The following DHRS12 variants were observed in gnomAD, a reference collection of about 807,000 sequenced individuals.
DHRS12 encodes dehydrogenase/reductase SDR family member 12.
A neutral mutation model predicts 32.1 loss-of-function variants in DHRS12; 29 were observed. The observed-to-expected ratio is 0.90, with a 90% CI of 0.67 to 1.23. The LOEUF (loss-of-function observed/expected upper bound fraction) is 1.23. Among genes scored for constraint, DHRS12 ranks in the 50% most tolerant of loss-of-function variants. DHRS12 has a pLI of 0.00. For synonymous variants in DHRS12, 150 were observed against 135.9 expected (o/e 1.10, Z -0.72); for missense variants, 330 against 337.2 (o/e 0.98, Z 0.17).
At chr13:51,778,056 G>A (rs1954527436) in intron 4 of DHRS12, among the ~76,000 whole-genome samples, 1 of 152,224 alleles carries the variant, frequency 6.6e-6, no homozygotes, top group Non-Finnish European at 1.5e-5. Flanking sequence ...CCGCCATGTG[G>A]CCTGCATCCA....
intron 7 of DHRS12, among the ~76,000 whole-genome samples, chr13:51,770,478 G>C (rs920664260): frequency 6.6e-6 from 1 of 152,158 alleles, no homozygotes; most frequent in Admixed American, 6.5e-5. Context: ...GAGGCTGGGG[G>C]CCCCCCATGG....
At chr13:51,766,666 T>G (rs1295109788), downstream of DHRS12, 1 of 152,272 alleles carries the variant, frequency 6.6e-6, no homozygotes, top group Admixed American at 6.5e-5. Flanking sequence ...ATATTGTGAA[T>G]GTTTTTACTC....
At chr13:51,763,853 A>G (rs1953664933), downstream of DHRS12, 1 of 152,166 alleles carries the variant, frequency 6.6e-6, no homozygotes, top group South Asian at 2.1e-4. Context: ...TTAAGGCCCA[A>G]ATTTTTGTTT....
intron 7 of DHRS12, 39 bp downstream of exon 7, chr13:51,771,782 G>A: frequency 6.2e-7 from 1 of 1,607,212 alleles, no homozygotes; most frequent in South Asian, 1.1e-5. Flanking sequence ...ATTTTTAGAT[G>A]AAACGTAAGT....
intron 2 of DHRS12, among the ~76,000 whole-genome samples, chr13:51,793,227 A>G (rs538652621): frequency 2.0e-5 from 3 of 152,298 alleles, no homozygotes; most frequent in East Asian, 3.9e-4. Context: ...ACCTAAGTCC[A>G]AACTTGCATT....
chr13:51,804,038 C>T lies in DHRS12; in HGVS notation c.-9+16G>A, dbSNP rs1955883123. 6 of 1,468,880 alleles carry T rather than the reference C, an allele frequency of 4.1e-6. No homozygotes were observed. Among genetic ancestry groups the T allele is most frequent in the Admixed American group, 4.9e-5 (2 of 41,104 alleles). 91.0% of individuals were successfully genotyped at this position (1,468,880 alleles called of 1,614,324 possible). A position where few individuals can be genotyped will look rare whatever the true frequency, so the allele number is the denominator to read the frequency against. On this transcript the variant is annotated intron_variant, in intron 1 of 8. Coordinates refer to ENST00000444610, the MANE Select transcript of DHRS12 (RefSeq NM_001377533.1). ...CGTGACAGCCCGGGGCCCCGCGCCC[C>T]GCCGCGCCGCCTTACTTGGTGTACT...
At chr13:51,796,795 A>AGGAAGATT (rs1204756484) in intron 2 of DHRS12, among the ~76,000 whole-genome samples, 1 of 152,200 alleles carries the variant, frequency 6.6e-6, no homozygotes, top group Admixed American at 6.5e-5. Context: ...CAGACATTAG[A>AGGAAGATT]GGAAGATTTA....
chr13:51,798,882 C>T (rs1412543489), intron 2 of DHRS12, among the ~76,000 whole-genome samples: 5 of 152,220 alleles, frequency 3.3e-5, no homozygotes, highest in East Asian at 3.9e-4. Context: ...GACCCAGGAT[C>T]GTTGAGCTCA....
intron 4 of DHRS12, 164 bp from the exon 5 acceptor site, chr13:51,777,285 G>A (rs1357327682): frequency 3.0e-6 from 2 of 668,024 alleles, no homozygotes; most frequent in African/African-American, 3.6e-5. Context: ...CAAGCCAAAT[G>A]TTCCTTTTCC....
intron 6 of DHRS12, among the ~76,000 whole-genome samples, chr13:51,772,217 T>C (rs984422471): frequency 1.3e-5 from 2 of 152,102 alleles, no homozygotes; most frequent in Admixed American, 6.5e-5. Context: ...GTGTTCCTCG[T>C]CCACAAGTCG....
intron 2 of DHRS12, among the ~76,000 whole-genome samples, chr13:51,794,864 G>A (rs1955442197): frequency 6.6e-6 from 1 of 151,954 alleles, no homozygotes; most frequent in Non-Finnish European, 1.5e-5. Context: ...ACTAAGGTGG[G>A]GCTGAACTGC....
chr13:51,768,535 G>A (rs1292187559), intron 8 of DHRS12: 1 of 1,382,258 alleles, frequency 7.2e-7, no homozygotes, highest in African/African-American at 1.5e-5. Context: ...CCACGTTTGG[G>A]TGATCAGCAG....
At chr13:51,797,968 T>C in intron 2 of DHRS12, 4 of 1,486,966 alleles carry the variant, frequency 2.7e-6, no homozygotes, top group Non-Finnish European at 3.6e-6. Context: ...AACCAGCTCT[T>C]CCTAATGAAA....
chr13:51,790,749 G>T (rs900838867), intron 3 of DHRS12, among the ~76,000 whole-genome samples: 1 of 152,118 alleles, frequency 6.6e-6, no homozygotes, highest in Non-Finnish European at 1.5e-5. Context: ...TTCTATCTGA[G>T]TCTACCCAGG....
At chr13:51,765,426 T>C (rs1341028086), downstream of DHRS12, 1 of 152,166 alleles carries the variant, frequency 6.6e-6, no homozygotes, top group Non-Finnish European at 1.5e-5. Context: ...GATGTCTTCC[T>C]TGCATGTCCC....
chr13:51,790,048 T>G lies in DHRS12; in HGVS notation c.264A>C (p.Glu88Asp), dbSNP rs1415778039. The change falls in exon 4 of 9, where the codon GAA becomes GAC. Residue 88 changes from glutamate (E) to aspartate (D), a missense_variant. Coordinates refer to ENST00000444610, the MANE Select transcript of DHRS12 (RefSeq NM_001377533.1). Reference sequence around the variant, plus strand: ...CAGCAAAGTTTTTTTCAAGTCCATCTTCTGTGAGCTCTCTTTTATTGACCA... The same window carrying G: ...CAGCAAAGTTTTTTTCAAGTCCATCGTCTGTGAGCTCTCTTTTATTGACCA... ...GCMVNKRELTEDGLEKNFAAN... is the reference protein window; with the variant it reads ...GCMVNKRELTDDGLEKNFAAN... The G allele has an allele frequency of 1.9e-6, 3 of 1,604,748 alleles. No homozygotes were observed. Among genetic ancestry groups the G allele is most frequent in the Non-Finnish European group, 2.5e-6 (3 of 1,177,268 alleles).
At chr13:51,781,703 G>A (rs1477272753) in intron 4 of DHRS12, among the ~76,000 whole-genome samples, 2 of 152,224 alleles carry the variant, frequency 1.3e-5, no homozygotes, top group Non-Finnish European at 2.9e-5. Flanking sequence ...CCTGAGGCTG[G>A]AGAGTGCAAC....
At chr13:51,777,557 T>G (rs764077632) in intron 4 of DHRS12, among the ~76,000 whole-genome samples, 3 of 152,220 alleles carry the variant, frequency 2.0e-5, no homozygotes, top group Non-Finnish European at 4.4e-5. Flanking sequence ...CTGTTTGGAT[T>G]TGAGTATTTT....
chr13:51,771,334 T>G (rs1400664081), intron 7 of DHRS12: 3 of 1,601,208 alleles, frequency 1.9e-6, no homozygotes, highest in Non-Finnish European at 2.6e-6. Flanking sequence ...GGAAGAGAAT[T>G]CTGCTCCCCT....
Sources: gnomAD v4.1 joint callset for allele counts (sites outside exome capture counted in the v4.1 genomes callset) on GRCh38, gnomAD v4.1.1 for gene constraint, MANE v1.5 for transcripts, NCBI Gene and HGNC (gene_info 2026-07-23, HGNC 2026-07-21) for gene names.